ATP5F1E: variants seen among roughly 807,000 people sequenced by gnomAD.
ATP5F1E encodes the protein ATP synthase F(1) complex subunit epsilon, mitochondrial.
A neutral mutation model predicts 7.0 loss-of-function variants in ATP5F1E; 5 were observed. The observed-to-expected ratio is 0.71, with a 90% CI of 0.37 to 1.49. The LOEUF is 1.49. Among genes scored for constraint, ATP5F1E ranks in the 40% most tolerant of loss-of-function variants. The pLI is 0.03. For synonymous variants in ATP5F1E, 20 were observed against 20.1 expected, an observed-to-expected ratio of 0.99 and a Z score of 0.02; for missense variants, 59 against 57.1, an observed-to-expected ratio of 1.03 and a Z score of -0.11.
At position 59,026,292 on chromosome 20, in the gene ATP5F1E, AAAC is replaced by A. The variant is rs1265572113; in HGVS notation, c.*2550_*2552del. The A allele has an allele frequency of 2.6e-5, 4 of 152,232 alleles. No individual in the cohort carries two copies. The highest frequency in any genetic ancestry group is 7.2e-5 in the African/African-American group (3 of 41,454). The allele number at this position is 152,232 out of a possible 1,614,324, so 9.4% of individuals were successfully genotyped here. A position where few individuals can be genotyped will look rare whatever the true frequency, so the allele number is the denominator to read the frequency against. ...CTATTTACAAACTTCAAAAAACACAAAACAACATTCATGTTTTAAATGCTTTCT... is the reference window on the plus strand; with the variant it reads ...CTATTTACAAACTTCAAAAAACACAAAACATTCATGTTTTAAATGCTTTCT... On this transcript the variant is annotated 3_prime_UTR_variant, in exon 3 of 3. Transcript: ENST00000243997.
In ATP5F1E at chr20:59,026,578, A is replaced by G. The variant is rs1254724439; in HGVS notation, c.*2267T>C. The G allele has an allele frequency of 6.6e-6, 1 of 152,226 alleles. No individual in the cohort carries two copies. Among genetic ancestry groups the G allele is most frequent in the East Asian group, 1.9e-4 (1 of 5,198 alleles). 9.4% of individuals were successfully genotyped at this position (152,226 alleles called of 1,614,324 possible). A position where few individuals can be genotyped will look rare whatever the true frequency, so the allele number is the denominator to read the frequency against. On this transcript the variant is annotated 3_prime_UTR_variant, in exon 3 of 3. Transcript: ENST00000243997. ...TTTGTTTGCTCAATAGTAATCATTA[A>G]ACTACAAAGTAATTCAATTTTAAAT...
Position 59,030,276 on chromosome 20 carries a change from G to C in ATP5F1E, c.*3+27C>G, listed in dbSNP as rs950309416. 5 of 1,611,298 alleles carry C rather than the reference G, an allele frequency of 3.1e-6. No homozygotes were observed. In the African/African-American group the frequency reaches 6.7e-5, roughly 22 times the overall value. ...TGCTCCAAAAACTTAAGATGCAACT[G>C]TTCTTCTAAATAAATCCATAACTTA... On this transcript the variant is annotated intron_variant, in intron 2 of 2. Coordinates refer to ENST00000243997, the MANE Select transcript of ATP5F1E (RefSeq NM_006886.4).
In ATP5F1E at chr20:59,026,403, A is replaced by G. The variant is rs1245485499; in HGVS notation, c.*2442T>C. The G allele has an allele frequency of 6.6e-6, 1 of 152,236 alleles. No homozygotes were observed. The highest frequency in any genetic ancestry group is 1.5e-5 in the Non-Finnish European group (1 of 68,044). 9.4% of individuals were successfully genotyped at this position (152,236 alleles called of 1,614,324 possible). On this transcript the variant is annotated 3_prime_UTR_variant, in exon 3 of 3. Transcript: ENST00000243997. The stretch of plus-strand genomic sequence containing the variant: ...GAAGTTAGTAACTTCCTGAGATGCT[A>G]AAGACTTACAGCCTGCGATTATACA...
chr20:59,030,017 A>C (rs1489319207), intron 2 of ATP5F1E: 1 of 358,622 alleles, frequency 2.8e-6, no homozygotes, highest in African/African-American at 2.1e-5. Flanking sequence ...CAGACAAATG[A>C]AACAGGTTTA....
At position 59,032,306 on chromosome 20, in the gene ATP5F1E, G is replaced by T; in HGVS notation, c.-55C>A. 3.2e-6 allele frequency: 5 copies of T among 1,572,558 alleles called. No homozygotes were observed. Among genetic ancestry groups the T allele is most frequent in the East Asian group, 2.3e-5 (1 of 43,312 alleles). On this transcript the variant is annotated 5_prime_UTR_variant, in exon 1 of 3. Coordinates refer to ENST00000243997, the MANE Select transcript of ATP5F1E (RefSeq NM_006886.4). ...GAATCGCCAAGACGCCGGCAATGTC[G>T]GCTCAGCCGGGCGGTTCAGCCGCAG...
At chr20:59,032,070 A>ACAGCGACGCCATCTTGG (rs756606892) in intron 1 of ATP5F1E, 150 bp downstream of exon 1, 14 of 1,129,098 alleles carry the variant, frequency 1.2e-5, no homozygotes, top group African/African-American at 3.1e-5. Context: ...CGCTTTGCCC[A>ACAGCGACGCCATCTTGG]CAGCGACGCC....
At chr20:59,031,665 C>G (rs566304881) in intron 1 of ATP5F1E, among the ~76,000 whole-genome samples, 2 of 152,318 alleles carry the variant, frequency 1.3e-5, no homozygotes, top group East Asian at 1.9e-4. Flanking sequence ...CACCTCTCAT[C>G]TTTGTGAGGG....
At chr20:59,029,947 T>C (rs999972976) in intron 2 of ATP5F1E, 14 of 329,502 alleles carry the variant, frequency 4.2e-5, no homozygotes, top group African/African-American at 1.5e-4. Flanking sequence ...TGGACTGTTA[T>C]GTAACTCCAA....
At chr20:59,032,198 C>T in intron 1 of ATP5F1E, 22 bp downstream of exon 1, 2 of 1,567,214 alleles carry the variant, frequency 1.3e-6, no homozygotes, top group Non-Finnish European at 1.7e-6. Context: ...CGAAGCCCTT[C>T]CCTCTGGAGG....
At chr20:59,030,281 T>A (rs777672261) in intron 2 of ATP5F1E, 22 bp downstream of exon 2, 2 of 1,612,146 alleles carry the variant, frequency 1.2e-6, no homozygotes, top group Non-Finnish European at 1.7e-6. Flanking sequence ...CAACTGTTCT[T>A]CTAAATAAAT....
Position 59,032,217 on chromosome 20 carries a change from TA to T in ATP5F1E, c.32+2del. The T allele has an allele frequency of 6.3e-7, 1 of 1,583,614 alleles. No homozygotes were observed. Among genetic ancestry groups the T allele is most frequent in the Non-Finnish European group, 8.6e-7 (1 of 1,166,506 alleles). The stretch of plus-strand genomic sequence containing the variant: ...GCCCTTCCCTCTGGAGGCCTGGGCC[TA>T]CCTGAGTCCAGCCTGTCTCCAGTAG... On this transcript the variant is annotated splice_donor_variant, in intron 1 of 2. Transcript: ENST00000243997. LOFTEE classifies it high-confidence loss of function.
chr20:59,031,908 G>T (rs2092034155), intron 1 of ATP5F1E, among the ~76,000 whole-genome samples: 1 of 152,224 alleles, frequency 6.6e-6, no homozygotes, highest in Non-Finnish European at 1.5e-5. Context: ...AGAAGAAAAA[G>T]GTTTGCTAAA....
At chr20:59,032,077 C>T in intron 1 of ATP5F1E, 143 bp downstream of exon 1, 2 of 1,181,140 alleles carry the variant, frequency 1.7e-6, no homozygotes, top group Non-Finnish European at 2.4e-6. Context: ...CCCACAGCGA[C>T]GCCATCTTGG....
Position 59,030,425 on chromosome 20 carries a change from T to G in ATP5F1E, c.37A>C (p.Ile13Leu). The G allele has an allele frequency of 6.2e-7, 1 of 1,613,824 alleles. No individual in the cohort carries two copies. Among genetic ancestry groups the G allele is most frequent in the Non-Finnish European group, 8.5e-7 (1 of 1,179,808 alleles). ...TTTGCACAGATCTGGGAGTATCGGA[T>G]GTAGCTGGGAGAAAATGAGAGAAGG... is the stretch of plus-strand genomic sequence containing the variant. ...AYWRQAGLSY[I>L]RYSQICAKAV... Residue 13 changes from isoleucine (I) to leucine (L), a missense_variant, in exon 2 of 3, where the codon ATC (isoleucine) becomes CTC (leucine). By Grantham distance (5) the Ile-to-Leu change is conservative. Coordinates refer to ENST00000243997, the MANE Select transcript of ATP5F1E (RefSeq NM_006886.4).
intron 1 of ATP5F1E, 107 bp from the exon 2 acceptor site, chr20:59,030,536 G>GT: frequency 7.2e-7 from 1 of 1,379,696 alleles, no homozygotes; most frequent in Non-Finnish European, 1.0e-6. Context: ...TGGTTTGGTT[G>GT]TACCTTATTG....
chr20:59,027,687 C>T lies in ATP5F1E; in HGVS notation c.*1158G>A, dbSNP rs934983253. 1 of 152,176 alleles carries T rather than the reference C, an allele frequency of 6.6e-6. No individual in the cohort carries two copies. The highest frequency in any genetic ancestry group is 2.4e-5 in the African/African-American group (1 of 41,428). The allele number at this position is 152,176 out of a possible 1,614,324, so 9.4% of individuals were successfully genotyped here. A position where few individuals can be genotyped will look rare whatever the true frequency, so the allele number is the denominator to read the frequency against. On this transcript the variant is annotated 3_prime_UTR_variant, in exon 3 of 3. Transcript: ENST00000243997. ...ATGACAGCTCCGAGGCGGAGGACTC[C>T]AAGGGCTCCTAACCTGCTGTTTTCC...
rs185891617 is a variant in ATP5F1E at position 59,028,107 on chromosome 20, T to C, written c.*738A>G. 2 of 152,354 alleles carry C rather than the reference T, an allele frequency of 1.3e-5. No homozygotes were observed. Among genetic ancestry groups the C allele is most frequent in the East Asian group, 3.9e-4 (2 of 5,186 alleles). The allele number at this position is 152,354 out of a possible 1,614,324, so 9.4% of individuals were successfully genotyped here. On this transcript the variant is annotated 3_prime_UTR_variant, in exon 3 of 3. Transcript: ENST00000243997. Reference sequence around the variant, plus strand: ...ATGAATGAATGAATCACTATGGAAATACCACGAAACTGCTGTTGTGGTCAC... The same window carrying C: ...ATGAATGAATGAATCACTATGGAAACACCACGAAACTGCTGTTGTGGTCAC...
At chr20:59,030,568 G>T in intron 1 of ATP5F1E, 139 bp from the exon 2 acceptor site, 1 of 1,051,670 alleles carries the variant, frequency 9.5e-7, no homozygotes, top group Non-Finnish European at 1.4e-6. Flanking sequence ...TTAAAAATAT[G>T]ACTAATGCCA....
At position 59,026,304 on chromosome 20, in the gene ATP5F1E, T is replaced by G. The variant is rs193227473; in HGVS notation, c.*2541A>C. The G allele has an allele frequency of 7.2e-5, 11 of 152,354 alleles. No individual in the cohort carries two copies. In the East Asian group the frequency reaches 1.5e-3, roughly 21 times the overall value. 9.4% of individuals were successfully genotyped at this position (152,354 alleles called of 1,614,324 possible). On this transcript the variant is annotated 3_prime_UTR_variant, in exon 3 of 3. Transcript: ENST00000243997. ...TTCAAAAAACACAAAACAACATTCA[T>G]GTTTTAAATGCTTTCTACTTGTGGT...
Sources: gnomAD v4.1 joint callset for allele counts (sites outside exome capture counted in the v4.1 genomes callset) on GRCh38, gnomAD v4.1.1 for gene constraint, MANE v1.5 for transcripts, NCBI Gene and HGNC (gene_info 2026-07-23, HGNC 2026-07-21) for gene names.